HCN1: variants seen among roughly 807,000 people sequenced by gnomAD.
The protein encoded by HCN1 is potassium/sodium hyperpolarization-activated cyclic nucleotide-gated channel 1.
In HCN1, 13 loss-of-function variants were observed where a neutral mutation model predicts 78.9. The ratio of observed to expected loss-of-function variants is 0.16; its 90% CI spans 0.11 to 0.26. The LOEUF (loss-of-function observed/expected upper bound fraction) is 0.26, where lower values mean the gene tolerates loss of function less well. Ranked by LOEUF, HCN1 falls within the 10% of genes least tolerant of loss-of-function variation. The pLI is 1.00. For synonymous variants in HCN1, 552 were observed against 455.5 expected, an observed-to-expected ratio of 1.21 and a Z score of -2.70; for missense variants, 810 against 1,154.3, an observed-to-expected ratio of 0.70 and a Z score of 4.32.
At chr5:45,403,828 A>T (rs1463354111) in intron 3 of HCN1, among the ~76,000 whole-genome samples, 1 of 152,206 alleles carries the variant, frequency 6.6e-6, no homozygotes. Context: ...TTATTATGTT[A>T]AACTAGTTTA....
intron 2 of HCN1, among the ~76,000 whole-genome samples, chr5:45,522,306 T>C (rs1383991528): frequency 1.3e-5 from 2 of 152,056 alleles, no homozygotes; most frequent in East Asian, 1.9e-4. Context: ...GTCATTTTCA[T>C]AGGTTATAGA....
chr5:45,349,632 C>T (rs912893246), intron 5 of HCN1, among the ~76,000 whole-genome samples: 16 of 151,510 alleles, frequency 1.1e-4, no homozygotes, highest in African/African-American at 2.9e-4. Context: ...GCTAGCAAGA[C>T]GAATAAAGTA....
At chr5:45,588,086 AGTAC>A (rs1264911962) in intron 2 of HCN1, among the ~76,000 whole-genome samples, 1 of 152,184 alleles carries the variant, frequency 6.6e-6, no homozygotes, top group African/African-American at 2.4e-5. Context: ...GTGCCACCAA[AGTAC>A]CAGCATTACT....
intron 2 of HCN1, among the ~76,000 whole-genome samples, chr5:45,524,980 T>C (rs1327217011): frequency 2.6e-5 from 4 of 152,140 alleles, no homozygotes; most frequent in African/African-American, 4.8e-5. Flanking sequence ...TTCAGTATGA[T>C]ATTGGCTGTG....
chr5:45,688,504 G>A lies in HCN1; in HGVS notation c.425+7165C>T, dbSNP rs559556032. On this transcript the variant is annotated intron_variant, in intron 1 of 7. Transcript: ENST00000303230. ...GGTATTACTGTAGGAAAAAATAAGA[G>A]CTTTCATTGCTTTCATCTGAATTTA... 9.2e-5 allele frequency among the ~76,000 whole-genome samples: 14 copies of A among 152,126 alleles called. 1 individual carries two copies. The highest frequency in any genetic ancestry group is 8.5e-4 in the Admixed American group (13 of 15,266).
intron 2 of HCN1, among the ~76,000 whole-genome samples, chr5:45,602,330 A>T (rs992769579): frequency 4.6e-5 from 7 of 152,152 alleles, no homozygotes; most frequent in African/African-American, 1.7e-4. Context: ...CAGTATACTT[A>T]TAAGAAGAGG....
At chr5:45,461,043 A>T (rs1199313461) in intron 3 of HCN1, among the ~76,000 whole-genome samples, 1 of 152,020 alleles carries the variant, frequency 6.6e-6, no homozygotes, top group African/African-American at 2.4e-5. Flanking sequence ...GTAAAAATGT[A>T]ATTAAAATGT....
At chr5:45,649,622 C>G (rs1427500794) in intron 1 of HCN1, among the ~76,000 whole-genome samples, 1 of 151,810 alleles carries the variant, frequency 6.6e-6, no homozygotes, top group Non-Finnish European at 1.5e-5. Flanking sequence ...ATATTCTCAA[C>G]ATGTTTCCTA....
chr5:45,337,523 T>A (rs1188096934), intron 5 of HCN1, among the ~76,000 whole-genome samples: 1 of 152,154 alleles, frequency 6.6e-6, no homozygotes. Flanking sequence ...TGAGATGATT[T>A]GCCAAGTAGG....
chr5:45,396,399 A>G (rs1290764101), intron 4 of HCN1, 93 bp downstream of exon 4: 2 of 839,974 alleles, frequency 2.4e-6, no homozygotes, highest in African/African-American at 1.8e-5. Context: ...TTTTTTTTTT[A>G]TAGAGGAGAT....
intron 2 of HCN1, among the ~76,000 whole-genome samples, chr5:45,548,026 A>G (rs1743265636): frequency 6.6e-6 from 1 of 151,910 alleles, no homozygotes; most frequent in Non-Finnish European, 1.5e-5. Context: ...AGAATAAAAC[A>G]TTATCAGAGA....
Position 45,303,812 on chromosome 5 carries a change from G to A in HCN1, c.1405C>T (p.Leu469=). 5.0e-6 allele frequency: 8 copies of A among 1,613,302 alleles called. No homozygotes were observed. The highest frequency in any genetic ancestry group is 5.9e-6 in the Non-Finnish European group (7 of 1,179,428). ...GCAAATAAAGGCATTGTAGCCACCA[G>A]TTTCCGACAGTTGAAGTTGACTATC... The part of the protein sequence containing the change: ...EEIVNFNCRK[L]VATMPLFANA... Residue 469 remains leucine (L), a synonymous_variant, in exon 6 of 8, where the codon CTG becomes TTG. Transcript: ENST00000303230.
In HCN1 at chr5:45,517,308, A is replaced by T. The variant is rs999520077; in HGVS notation, c.850-55301T>A. Reference sequence around the variant, plus strand: ...ACTACTCCCTTATTTTTACTTCTTTATTAATAAATTGATTCTACTTTTTGG... The same window carrying T: ...ACTACTCCCTTATTTTTACTTCTTTTTTAATAAATTGATTCTACTTTTTGG... On this transcript the variant is annotated intron_variant, in intron 2 of 7. Transcript: ENST00000303230. Among the ~76,000 whole-genome samples the T allele has an allele frequency of 2.1e-4, 32 of 151,842 alleles. 1 individual carries two copies. Among genetic ancestry groups the T allele is most frequent in the African/African-American group, 7.7e-4 (32 of 41,386 alleles).
chr5:45,489,896 T>C (rs1319555733), intron 2 of HCN1, among the ~76,000 whole-genome samples: 1 of 152,230 alleles, frequency 6.6e-6, no homozygotes, highest in African/African-American at 2.4e-5. Flanking sequence ...CAATTAGGGA[T>C]GTCAGGTTTA....
chr5:45,406,417 A>G (rs1739925315), intron 3 of HCN1, among the ~76,000 whole-genome samples: 1 of 152,198 alleles, frequency 6.6e-6, no homozygotes, highest in African/African-American at 2.4e-5. Flanking sequence ...TTATAACATC[A>G]TCTCATTGCT....
At chr5:45,299,070 A>C (rs1745555236) in intron 6 of HCN1, among the ~76,000 whole-genome samples, 1 of 152,046 alleles carries the variant, frequency 6.6e-6, no homozygotes, top group Admixed American at 6.6e-5. Context: ...AAACTGTCAA[A>C]TTAATCAAGA....
chr5:45,323,951 A>G (rs1746180082), intron 5 of HCN1, among the ~76,000 whole-genome samples: 1 of 151,946 alleles, frequency 6.6e-6, no homozygotes, highest in Non-Finnish European at 1.5e-5. Flanking sequence ...TTCTTAATCC[A>G]GTCTATCATT....
chr5:45,527,090 A>G (rs1742752487), intron 2 of HCN1, among the ~76,000 whole-genome samples: 1 of 132,668 alleles, frequency 7.5e-6, no homozygotes, highest in Admixed American at 7.7e-5. Flanking sequence ...TCTCACACAC[A>G]CTGACATTCA....
chr5:45,339,098 T>C (rs1746522236), intron 5 of HCN1, among the ~76,000 whole-genome samples: 1 of 152,200 alleles, frequency 6.6e-6, no homozygotes, highest in Non-Finnish European at 1.5e-5. Context: ...TCTCTCATTT[T>C]ATTAAGCAGT....
Sources: allele counts gnomAD v4.1 joint callset (sites outside exome capture counted in the v4.1 genomes callset), GRCh38; gene constraint gnomAD v4.1.1; transcripts MANE v1.5; gene names NCBI Gene and HGNC (gene_info 2026-07-23, HGNC 2026-07-21).